The following ROBO2 variants were observed in gnomAD, a reference collection of about 807,000 sequenced individuals.
ROBO2 encodes the protein roundabout homolog 2.
ROBO2 carries 53 observed loss-of-function variants against 160.8 expected under a neutral mutation model. The ratio of observed to expected loss-of-function variants is 0.33; its 90% CI spans 0.26 to 0.41. ROBO2 has a LOEUF of 0.41. Among genes scored for constraint, ROBO2 ranks in the 10% least tolerant of loss-of-function variants. ROBO2 has a pLI of 1.00. For missense variants in ROBO2, 1,577 were observed against 1,722.4 expected (o/e 0.92, Z 1.49); for synonymous variants, 664 against 611.7 (o/e 1.09, Z -1.26).
At chr3:76,491,749 C>T (rs2079836860) in intron 2 of ROBO2, among the ~76,000 whole-genome samples, 1 of 152,036 alleles carries the variant, frequency 6.6e-6, no homozygotes, top group African/African-American at 2.4e-5. Context: ...TATATTCTCC[C>T]CTCTTTTCCC....
intron 5 of ROBO2, among the ~76,000 whole-genome samples, chr3:77,508,900 T>C (rs936972624): frequency 9.2e-5 from 14 of 152,110 alleles, no homozygotes; most frequent in African/African-American, 3.4e-4. Context: ...GGTGCATGTG[T>C]GAGGGGAGAA....
chr3:76,450,993 G>A (rs6769256), intron 2 of ROBO2, among the ~76,000 whole-genome samples: 56,245 of 151,824 alleles, frequency 0.37, 10,558 homozygotes, highest in Non-Finnish European at 0.4. Flanking sequence ...CTCATTTAAC[G>A]TCCACAGTGG....
intron 2 of ROBO2, among the ~76,000 whole-genome samples, chr3:76,242,963 C>T (rs1447638899): frequency 1.3e-5 from 2 of 152,066 alleles, no homozygotes; most frequent in South Asian, 2.1e-4. Flanking sequence ...TAACACGTAA[C>T]GTATTTATAG....
intron 2 of ROBO2, among the ~76,000 whole-genome samples, chr3:76,563,707 CA>C: frequency 6.6e-6 from 1 of 152,254 alleles, no homozygotes; most frequent in East Asian, 1.9e-4. Context: ...CATTTGAACA[CA>C]GCTAATGTCC....
chr3:76,408,782 G>A (rs1238884342), intron 2 of ROBO2, among the ~76,000 whole-genome samples: 2 of 151,964 alleles, frequency 1.3e-5, no homozygotes, highest in East Asian at 3.9e-4. Flanking sequence ...TGTAAATTTG[G>A]TGGTTACAGA....
chr3:76,468,767 C>G, intron 2 of ROBO2, among the ~76,000 whole-genome samples: 1 of 152,162 alleles, frequency 6.6e-6, no homozygotes, highest in South Asian at 2.1e-4. Context: ...ATAGGTTAAA[C>G]CTGTTCTATT....
At chr3:76,606,230 G>A (rs980742456) in intron 2 of ROBO2, among the ~76,000 whole-genome samples, 2 of 152,068 alleles carry the variant, frequency 1.3e-5, no homozygotes, top group African/African-American at 2.4e-5. Flanking sequence ...TAAATCTATG[G>A]AACTACCAAT....
intron 2 of ROBO2, among the ~76,000 whole-genome samples, chr3:77,440,947 C>G (rs553476171): frequency 1.3e-5 from 2 of 152,108 alleles, no homozygotes; most frequent in Non-Finnish European, 2.9e-5. Flanking sequence ...GTTCTTTTCT[C>G]CCATGCCTCC....
At chr3:77,367,664 T>C (rs2071108154) in intron 2 of ROBO2, among the ~76,000 whole-genome samples, 1 of 152,212 alleles carries the variant, frequency 6.6e-6, no homozygotes, top group African/African-American at 2.4e-5. Context: ...TCCGTGGTTC[T>C]GTGGGACACC....
At chr3:77,528,882 T>G (rs1466823115) in intron 6 of ROBO2, among the ~76,000 whole-genome samples, 26 of 151,732 alleles carry the variant, frequency 1.7e-4, no homozygotes, top group Admixed American at 1.7e-3. Context: ...ATTGTAATAA[T>G]TTTTAAGCCT....
chr3:77,464,787 C>CT (rs745465057), intron 2 of ROBO2, among the ~76,000 whole-genome samples: 4 of 152,086 alleles, frequency 2.6e-5, no homozygotes, highest in Non-Finnish European at 5.9e-5. Flanking sequence ...ATATCCAGCA[C>CT]TTTTATCAAC....
intron 2 of ROBO2, among the ~76,000 whole-genome samples, chr3:76,320,920 A>G (rs1559759326): frequency 6.6e-6 from 1 of 152,216 alleles, no homozygotes; most frequent in East Asian, 1.9e-4. Flanking sequence ...AACAACGTAG[A>G]TATACTGTAC....
At chr3:77,523,178 A>G (rs2090788931) in intron 6 of ROBO2, among the ~76,000 whole-genome samples, 1 of 151,388 alleles carries the variant, frequency 6.6e-6, no homozygotes, top group Non-Finnish European at 1.5e-5. Context: ...TTAAAAATAG[A>G]AAAGATCTAT....
intron 2 of ROBO2, among the ~76,000 whole-genome samples, chr3:76,456,042 T>C (rs376866317): frequency 1.3e-5 from 2 of 152,182 alleles, no homozygotes; most frequent in East Asian, 1.9e-4. Flanking sequence ...CATTAGCATG[T>C]TTAGACTACA....
intron 2 of ROBO2, among the ~76,000 whole-genome samples, chr3:76,717,163 C>CAAA (rs773470720): frequency 3.9e-4 from 59 of 152,248 alleles, no homozygotes; most frequent in South Asian, 1.0e-3. Flanking sequence ...TACAAAGAAT[C>CAAA]TGTTCATCAT....
intron 2 of ROBO2, among the ~76,000 whole-genome samples, chr3:77,336,382 T>C (rs1044710288): frequency 3.9e-5 from 6 of 152,088 alleles, no homozygotes; most frequent in Non-Finnish European, 8.8e-5. Context: ...TCTACTAGCC[T>C]TCTTTGTACC....
intron 2 of ROBO2, among the ~76,000 whole-genome samples, chr3:76,633,964 T>C (rs913656740): frequency 5.9e-5 from 9 of 152,312 alleles, no homozygotes; most frequent in East Asian, 1.9e-4. Context: ...GTGTGCAACA[T>C]TGGCCTTGCA....
At chr3:76,918,217 G>A (rs938422792) in intron 2 of ROBO2, among the ~76,000 whole-genome samples, 1 of 152,176 alleles carries the variant, frequency 6.6e-6, no homozygotes. Context: ...CCGGTCATTG[G>A]ATCACGGAGG....
chr3:76,554,950 A>C (rs1168292390), intron 2 of ROBO2, among the ~76,000 whole-genome samples: 4 of 152,026 alleles, frequency 2.6e-5, no homozygotes, highest in South Asian at 2.1e-4. Flanking sequence ...TGAACTGTGA[A>C]TTTGATGTTG....
Sources: allele counts gnomAD v4.1 joint callset (sites outside exome capture counted in the v4.1 genomes callset), GRCh38; gene constraint gnomAD v4.1.1; transcripts MANE v1.5; gene names NCBI Gene and HGNC (gene_info 2026-07-23, HGNC 2026-07-21).